ZC3H12B: variants seen among roughly 807,000 people sequenced by gnomAD.
ZC3H12B encodes zinc finger CCCH-type containing 12B.
ZC3H12B carries 7 observed loss-of-function variants against 43.9 expected under a neutral mutation model. The observed-to-expected ratio is 0.16, with a 90% CI of 0.09 to 0.30. The LOEUF is 0.30. Ranked by LOEUF, ZC3H12B falls within the 10% of genes least tolerant of loss-of-function variation. ZC3H12B has a pLI of 1.00. For missense variants in ZC3H12B, 475 were observed against 670.2 expected (o/e 0.71, Z 3.22); for synonymous variants, 222 against 241.7 (o/e 0.92, Z 0.76).
upstream of ZC3H12B, among the ~76,000 whole-genome samples, chrX:65,365,690 C>A (rs999395875): frequency 1.8e-5 from 2 of 111,170 alleles, no homozygotes; most frequent in Non-Finnish European, 3.8e-5. Flanking sequence ...CAAGCTAAGC[C>A]ATCATATCCC....
At chrX:65,419,492 G>A (rs1469643656) in intron 3 of ZC3H12B, among the ~76,000 whole-genome samples, 1 of 111,581 alleles carries the variant, frequency 9.0e-6, no homozygotes. Context: ...ACAGCACCTG[G>A]GAGTGCATAG....
At chrX:65,102,030 T>G in the ZC3H12B span, among the ~76,000 whole-genome samples, 1 of 111,971 alleles carries the variant, frequency 8.9e-6, no homozygotes, top group Non-Finnish European at 1.9e-5. Flanking sequence ...AAAAAGCTTA[T>G]TCACTACGGT....
chrX:65,252,828 A>G, the ZC3H12B span, among the ~76,000 whole-genome samples: 1 of 112,146 alleles, frequency 8.9e-6, no homozygotes, highest in African/African-American at 3.2e-5. Flanking sequence ...TGAGTATATG[A>G]TCATTTACAT....
chrX:65,251,758 A>T, the ZC3H12B span, among the ~76,000 whole-genome samples: 1 of 111,359 alleles, frequency 9.0e-6, no homozygotes, highest in Non-Finnish European at 1.9e-5. Flanking sequence ...GTGTATAAGA[A>T]TGCTTGTGAT....
At chrX:65,279,662 C>A in the ZC3H12B span, among the ~76,000 whole-genome samples, 2 of 111,634 alleles carry the variant, frequency 1.8e-5, no homozygotes, top group African/African-American at 6.5e-5. Context: ...TAGGAACAAG[C>A]AAAGATTTCA....
the ZC3H12B span, among the ~76,000 whole-genome samples, chrX:65,128,889 G>T: frequency 0.13 from 13,927 of 110,898 alleles, 914 homozygotes; most frequent in Non-Finnish European, 0.19. Flanking sequence ...GTTAAGGTTT[G>T]CTTGTTGTAT....
the ZC3H12B span, among the ~76,000 whole-genome samples, chrX:65,166,209 G>A: frequency 3.7e-5 from 4 of 108,887 alleles, no homozygotes; most frequent in Middle Eastern, 4.7e-3. Context: ...CCCACCCCAC[G>A]ACAGGCCCCA....
chrX:65,414,569 T>C (rs982908221), intron 3 of ZC3H12B, among the ~76,000 whole-genome samples: 1 of 110,275 alleles, frequency 9.1e-6, no homozygotes, highest in Non-Finnish European at 1.9e-5. Context: ...ATTAGGGGAG[T>C]CCCTGTGGTT....
At chrX:65,435,607 C>G (rs1405642528) in intron 3 of ZC3H12B, among the ~76,000 whole-genome samples, 1 of 109,566 alleles carries the variant, frequency 9.1e-6, no homozygotes, top group African/African-American at 3.3e-5. Flanking sequence ...GTGCCAAACT[C>G]TATTAGTCAA....
At chrX:65,404,958 A>G (rs1602388751) in intron 3 of ZC3H12B, among the ~76,000 whole-genome samples, 2 of 112,727 alleles carry the variant, frequency 1.8e-5, no homozygotes, top group South Asian at 7.3e-4. Flanking sequence ...GATAGGTCAA[A>G]AAAGTCTGAA....
At chrX:65,363,207 A>G (rs191060235), upstream of ZC3H12B, among the ~76,000 whole-genome samples, 8 of 110,790 alleles carry the variant, frequency 7.2e-5, no homozygotes, top group South Asian at 3.9e-4. Context: ...CCTCCTTTGA[A>G]TCTTCTCAAC....
the ZC3H12B span, among the ~76,000 whole-genome samples, chrX:65,214,733 T>G: frequency 8.9e-6 from 1 of 112,013 alleles, no homozygotes; most frequent in Non-Finnish European, 1.9e-5. Flanking sequence ...GAATCATGAA[T>G]GTTCTTTATG....
intron 3 of ZC3H12B, among the ~76,000 whole-genome samples, chrX:65,476,315 C>G (rs1256903899): frequency 1.8e-5 from 2 of 111,573 alleles, no homozygotes; most frequent in Non-Finnish European, 3.8e-5. Context: ...TACTTTTTGT[C>G]TTTCTAACTG....
chrX:65,044,412 A>C, the ZC3H12B span, among the ~76,000 whole-genome samples: 2 of 111,261 alleles, frequency 1.8e-5, no homozygotes, highest in East Asian at 5.6e-4. Flanking sequence ...AGGCCAAAAC[A>C]TATAGACTTT....
intron 2 of ZC3H12B, among the ~76,000 whole-genome samples, chrX:65,389,621 G>A (rs1351182365): frequency 8.9e-6 from 1 of 112,448 alleles, no homozygotes; most frequent in Admixed American, 9.4e-5. Context: ...CTCATGCTTG[G>A]TGCACTGCAC....
At chrX:65,164,138 A>T in the ZC3H12B span, among the ~76,000 whole-genome samples, 1 of 111,631 alleles carries the variant, frequency 9.0e-6, no homozygotes, top group African/African-American at 3.3e-5. Context: ...ATATTTCTCA[A>T]ATCCACTTCT....
At chrX:65,292,977 C>G in the ZC3H12B span, among the ~76,000 whole-genome samples, 1 of 112,239 alleles carries the variant, frequency 8.9e-6, no homozygotes, top group Non-Finnish European at 1.9e-5. Context: ...GAGCAAGACC[C>G]TGTCTCAAAA....
chrX:65,236,828 G>A, the ZC3H12B span, among the ~76,000 whole-genome samples: 8 of 111,624 alleles, frequency 7.2e-5, no homozygotes, highest in African/African-American at 1.3e-4. Flanking sequence ...GCTCATTTTC[G>A]TCAGGTTTGT....
chrX:65,045,943 T>C, the ZC3H12B span, among the ~76,000 whole-genome samples: 54 of 111,861 alleles, frequency 4.8e-4, no homozygotes, highest in African/African-American at 1.7e-3. Context: ...TAGGTGTATT[T>C]TCAATGAGCA....
Sources: gnomAD v4.1 joint callset for allele counts (sites outside exome capture counted in the v4.1 genomes callset) on GRCh38, gnomAD v4.1.1 for gene constraint, MANE v1.5 for transcripts, NCBI Gene and HGNC (gene_info 2026-07-23, HGNC 2026-07-21) for gene names.